The following SRSF4 variants were observed in gnomAD, a reference collection of about 807,000 sequenced individuals.
SRSF4 encodes the protein serine/arginine-rich splicing factor 4.
A neutral mutation model predicts 48.8 loss-of-function variants in SRSF4; 12 were observed. The ratio of observed to expected loss-of-function variants is 0.25; its 90% CI spans 0.16 to 0.40. SRSF4 has a LOEUF of 0.40. Ranked by LOEUF, SRSF4 falls within the 10% of genes least tolerant of loss-of-function variation. The pLI, the probability that SRSF4 is intolerant of heterozygous loss-of-function variation, is 1.00. For synonymous variants in SRSF4, 248 were observed against 232.5 expected (o/e 1.07, Z -0.61); for missense variants, 466 against 667.1 (o/e 0.70, Z 3.32).
intron 3 of SRSF4, 44 bp from the exon 4 acceptor site, chr1:29,154,954 T>G: frequency 6.5e-7 from 1 of 1,534,812 alleles, no homozygotes; most frequent in South Asian, 1.2e-5. Flanking sequence ...TATGTTTTGC[T>G]AAAATATCTA....
chr1:29,160,112 A>T (rs1194309966), intron 2 of SRSF4: 1 of 368,914 alleles, frequency 2.7e-6, no homozygotes, highest in Non-Finnish European at 4.8e-6. Flanking sequence ...CAATTGCATT[A>T]CAGAGAAAAA....
intron 1 of SRSF4, among the ~76,000 whole-genome samples, chr1:29,180,624 G>A (rs1672941075): frequency 6.6e-6 from 1 of 152,150 alleles, no homozygotes; most frequent in African/African-American, 2.4e-5. Context: ...TAAGCCAAGA[G>A]TTCTCTAACA....
At chr1:29,171,693 G>C (rs1672746888) in intron 1 of SRSF4, 2 of 152,136 alleles carry the variant, frequency 1.3e-5, no homozygotes, top group African/African-American at 2.4e-5. Context: ...CTTCTGAGGA[G>C]CTCAAAGTAA....
At chr1:29,176,077 C>G (rs1197968922) in intron 1 of SRSF4, among the ~76,000 whole-genome samples, 1 of 151,900 alleles carries the variant, frequency 6.6e-6, no homozygotes, top group Non-Finnish European at 1.5e-5. Context: ...ACGGTGAAAC[C>G]CTGTCTCTAC....
chr1:29,164,134 C>G (rs372218146), intron 1 of SRSF4, among the ~76,000 whole-genome samples: 1 of 152,154 alleles, frequency 6.6e-6, no homozygotes, highest in Non-Finnish European at 1.5e-5. Flanking sequence ...TACAGGCACA[C>G]GCCACTGTGC....
At chr1:29,170,843 C>G (rs957202947) in intron 1 of SRSF4, 1 of 152,100 alleles carries the variant, frequency 6.6e-6, no homozygotes, top group African/African-American at 2.4e-5. Flanking sequence ...GGTCTTTGTT[C>G]ATGAAGGTCC....
intron 1 of SRSF4, among the ~76,000 whole-genome samples, chr1:29,176,391 T>A (rs1672853909): frequency 1.3e-5 from 2 of 151,914 alleles, no homozygotes; most frequent in African/African-American, 4.8e-5. Flanking sequence ...TGCCACTTGG[T>A]GGTGGGTGAA....
intron 1 of SRSF4, among the ~76,000 whole-genome samples, chr1:29,165,368 A>C (rs888456930): frequency 6.6e-6 from 1 of 152,258 alleles, no homozygotes; most frequent in Non-Finnish European, 1.5e-5. Context: ...CTGAAAAGGT[A>C]GAACTGGAAT....
intron 1 of SRSF4, among the ~76,000 whole-genome samples, chr1:29,161,047 C>A (rs541667354): frequency 6.6e-6 from 1 of 152,298 alleles, no homozygotes; most frequent in Non-Finnish European, 1.5e-5. Context: ...GAAAAAAAGA[C>A]TGGAGCTGTT....
intron 1 of SRSF4, among the ~76,000 whole-genome samples, chr1:29,174,697 T>TG (rs1035831877): frequency 7.0e-6 from 1 of 142,424 alleles, no homozygotes; most frequent in African/African-American, 2.6e-5. Context: ...TTTTTTTTGA[T>TG]GGAGTCTTGC....
intron 4 of SRSF4, among the ~76,000 whole-genome samples, chr1:29,151,612 A>G (rs1468519380): frequency 1.3e-5 from 2 of 152,234 alleles, no homozygotes; most frequent in African/African-American, 4.8e-5. Flanking sequence ...ACATGACTGG[A>G]TTAGATCCCG....
At chr1:29,168,002 G>A (rs1672691195) in intron 1 of SRSF4, among the ~76,000 whole-genome samples, 1 of 143,706 alleles carries the variant, frequency 7.0e-6, no homozygotes, top group African/African-American at 2.5e-5. Context: ...AAACCACAAG[G>A]TTCTAATTCC....
chr1:29,175,972 G>A (rs1194297211), intron 1 of SRSF4, among the ~76,000 whole-genome samples: 1 of 151,990 alleles, frequency 6.6e-6, no homozygotes, highest in Non-Finnish European at 1.5e-5. Context: ...CAAAAAGGTG[G>A]CCGGGCATGG....
At chr1:29,151,842 T>A (rs1211982298) in intron 4 of SRSF4, among the ~76,000 whole-genome samples, 21 of 152,244 alleles carry the variant, frequency 1.4e-4, no homozygotes. Context: ...AAAATAAATG[T>A]ACAGTGTGCT....
intron 1 of SRSF4, among the ~76,000 whole-genome samples, chr1:29,161,171 T>C (rs1468290793): frequency 6.6e-6 from 1 of 152,176 alleles, no homozygotes; most frequent in East Asian, 1.9e-4. Flanking sequence ...GCTACATCTT[T>C]TCCAGCCAAG....
In SRSF4 at chr1:29,148,301, G is replaced by A. The variant is rs1672337541; in HGVS notation, c.*109C>T. On this transcript the variant is annotated 3_prime_UTR_variant, in exon 6 of 6. Transcript: ENST00000373795. ...TAACAATTATAGACACACCATTAGG[G>A]GAGTTAAAAATGTACAGCAGTGACA... 2.9e-6 allele frequency: 4 copies of A among 1,379,554 alleles called. No individual in the cohort carries two copies. In the Admixed American group the frequency reaches 5.8e-5, roughly 20 times the overall value. The allele number at this position is 1,379,554 out of a possible 1,614,324, so 85.5% of individuals were successfully genotyped here. A position where few individuals can be genotyped will look rare whatever the true frequency, so the allele number is the denominator to read the frequency against.
intron 3 of SRSF4, among the ~76,000 whole-genome samples, chr1:29,158,565 G>GACT (rs1358911520): frequency 6.6e-6 from 1 of 152,056 alleles, no homozygotes; most frequent in East Asian, 1.9e-4. Context: ...AAGTAGCTGG[G>GACT]ACTACAGGTG....
At chr1:29,163,437 CAA>C (rs547422571) in intron 1 of SRSF4, among the ~76,000 whole-genome samples, 1 of 152,156 alleles carries the variant, frequency 6.6e-6, no homozygotes, top group Non-Finnish European at 1.5e-5. Flanking sequence ...AAGATTAAAA[CAA>C]ACATCTTCGC....
At chr1:29,158,206 C>A (rs1250221107) in intron 3 of SRSF4, among the ~76,000 whole-genome samples, 2 of 151,694 alleles carry the variant, frequency 1.3e-5, no homozygotes, top group African/African-American at 4.8e-5. Context: ...CACTGGATGG[C>A]CAACATTAGC....
Sources: gnomAD v4.1 joint callset for allele counts (sites outside exome capture counted in the v4.1 genomes callset) on GRCh38, gnomAD v4.1.1 for gene constraint, MANE v1.5 for transcripts, NCBI Gene and HGNC (gene_info 2026-07-23, HGNC 2026-07-21) for gene names.